Variants in NT5C1B observed in about 807,000 individuals in gnomAD.
The protein encoded by NT5C1B is cytosolic 5'-nucleotidase 1B.
In NT5C1B, 44 loss-of-function variants were observed where a neutral mutation model predicts 57.8. The ratio of observed to expected loss-of-function variants is 0.76; its 90% CI spans 0.60 to 0.98. NT5C1B has a LOEUF of 0.98. Among genes scored for constraint, NT5C1B ranks in the 50% least tolerant of loss-of-function variants. The pLI is 0.00. For missense variants in NT5C1B, 742 were observed against 719.5 expected, an observed-to-expected ratio of 1.03 and a Z score of -0.36; for synonymous variants, 284 against 282.6, an observed-to-expected ratio of 1.00 and a Z score of -0.05.
chr2:18,576,078 C>G, intron 8 of NT5C1B, 106 bp downstream of exon 8: 1 of 1,225,696 alleles, frequency 8.2e-7, no homozygotes, highest in South Asian at 2.1e-5. Flanking sequence ...GAAGGAGTGC[C>G]CTGCCTAGAA....
intron 8 of NT5C1B, among the ~76,000 whole-genome samples, chr2:18,564,703 G>A (rs566189898): frequency 6.6e-6 from 1 of 152,202 alleles, no homozygotes; most frequent in Non-Finnish European, 1.5e-5. Flanking sequence ...CAATAGTTAA[G>A]TTTTTGTTCA....
In NT5C1B at chr2:18,575,666, T is replaced by G. The variant is rs569766471; in HGVS notation, c.1329+518A>C. ...TCAACAGCACTAATCCAAAACAATC[T>G]AAATATTTAGTTTCAGTTTGATTAC... On this transcript the variant is annotated intron_variant, in intron 8 of 8. Coordinates refer to ENST00000304081, the Ensembl canonical transcript of NT5C1B. Among the ~76,000 whole-genome samples, 3 of 152,320 alleles carry G rather than the reference T, an allele frequency of 2.0e-5. 1 individual carries two copies. In the South Asian group the frequency reaches 6.2e-4, roughly 32 times the overall value.
At chr2:18,571,661 A>G (rs957074116) in intron 8 of NT5C1B, among the ~76,000 whole-genome samples, 9 of 144,594 alleles carry the variant, frequency 6.2e-5, no homozygotes, top group Non-Finnish European at 6.0e-5. Context: ...TCTTAAATCT[A>G]TATGAAAGTG....
At chr2:18,571,754 A>G (rs187053459) in intron 8 of NT5C1B, among the ~76,000 whole-genome samples, 20,119 of 103,296 alleles carry the variant, frequency 0.19, 2,230 homozygotes, top group Middle Eastern at 0.31. Flanking sequence ...ATATATATAT[A>G]TATATATATA....
intron 8 of NT5C1B, among the ~76,000 whole-genome samples, chr2:18,564,553 T>C (rs1278110122): frequency 6.6e-6 from 1 of 152,230 alleles, no homozygotes; most frequent in Non-Finnish European, 1.5e-5. Flanking sequence ...TGCTTTTGTC[T>C]AGTTTAATGC....
intron 8 of NT5C1B, among the ~76,000 whole-genome samples, chr2:18,564,871 G>T (rs1314145783): frequency 1.3e-5 from 2 of 152,090 alleles, no homozygotes; most frequent in African/African-American, 2.4e-5. Context: ...ATTTAAGAAG[G>T]TTTACATTAT....
intron 2 of NT5C1B, chr2:18,586,804 T>A (rs757648317): frequency 3.2e-5 from 32 of 1,001,632 alleles, no homozygotes; most frequent in Non-Finnish European, 4.4e-5. Context: ...GGTGCCCCAC[T>A]GAGGTTGCAG....
intron 8 of NT5C1B, among the ~76,000 whole-genome samples, chr2:18,573,445 T>TACAC (rs112972669): frequency 1.3e-5 from 2 of 150,316 alleles, no homozygotes; most frequent in South Asian, 4.2e-4. Context: ...AAAATTCTGA[T>TACAC]ACACACACAC....
chr2:18,578,991 C>T (rs1306925928), intron 6 of NT5C1B, among the ~76,000 whole-genome samples: 1 of 151,990 alleles, frequency 6.6e-6, no homozygotes, highest in Non-Finnish European at 1.5e-5. Flanking sequence ...TTCTATATAC[C>T]AACAATGTTC....
In NT5C1B at chr2:18,582,520, G is replaced by T. The variant is rs143050574; in HGVS notation, c.1021+348C>A. ...AACCTTTAACACAAATCTGTGGTGA[G>T]CAAGAAGTTTGATCACACAGTAAAA... On this transcript the variant is annotated intron_variant, in intron 6 of 8. Coordinates refer to ENST00000304081, the Ensembl canonical transcript of NT5C1B. Among the ~76,000 whole-genome samples the T allele has an allele frequency of 2.0e-5, 3 of 152,340 alleles. No homozygotes were observed. In the East Asian group the frequency reaches 5.8e-4, roughly 29 times the overall value.
At chr2:18,587,440 A>G in intron 2 of NT5C1B, 63 bp downstream of exon 2, 1 of 1,594,502 alleles carries the variant, frequency 6.3e-7, no homozygotes, top group Non-Finnish European at 8.5e-7. Flanking sequence ...CCTGCCCCCT[A>G]ACATTTTCCA....
intron 1 of NT5C1B, among the ~76,000 whole-genome samples, chr2:18,588,490 T>C (rs533740340): frequency 3.0e-4 from 46 of 152,352 alleles, no homozygotes; most frequent in African/African-American, 1.1e-3. Context: ...GAGAATGGCA[T>C]AGCTGTATGA....
rs752807785 is a variant in NT5C1B at position 18,563,983 on chromosome 2, A to G, written c.1466T>C (p.Leu489Pro). 4.3e-6 allele frequency: 7 copies of G among 1,614,206 alleles called. No individual in the cohort carries two copies. In the South Asian group the frequency reaches 7.7e-5, roughly 18 times the overall value. ...TAGACCCCAGCGTCGAAGGGTCTTC[A>G]GCACACGGGCGCCTGAACTGGCTGC... Residue 489 changes from leucine (L) to proline (P), a missense_variant, in exon 9 of 9, where the codon CTG becomes CCG. Coordinates refer to ENST00000304081, the Ensembl canonical transcript of NT5C1B.
chr2:18,577,721 A>G (rs1665830778), intron 6 of NT5C1B, among the ~76,000 whole-genome samples: 1 of 151,986 alleles, frequency 6.6e-6, no homozygotes, highest in African/African-American at 2.4e-5. Context: ...AAGAAAGAAA[A>G]AAACTAACCT....
intron 2 of NT5C1B, 82 bp downstream of exon 2, chr2:18,587,421 C>G: frequency 1.3e-6 from 2 of 1,575,634 alleles, no homozygotes; most frequent in South Asian, 1.2e-5. Flanking sequence ...GTCTTCTCTC[C>G]CAGAACTCCC....
intron 2 of NT5C1B, 86 bp downstream of exon 2, chr2:18,587,417 T>C: frequency 6.4e-7 from 1 of 1,569,404 alleles, no homozygotes; most frequent in Non-Finnish European, 8.6e-7. Flanking sequence ...CTTGGTCTTC[T>C]CTCCCAGAAC....
intron 2 of NT5C1B, chr2:18,587,057 T>G (rs1666778438): frequency 6.2e-7 from 1 of 1,614,158 alleles, no homozygotes; most frequent in Admixed American, 1.7e-5. Flanking sequence ...AAATACGTAT[T>G]GTGTGGCAGG....
intron 3 of NT5C1B, chr2:18,585,302 C>T: frequency 1.6e-6 from 1 of 608,008 alleles, no homozygotes; most frequent in Non-Finnish European, 3.1e-6. Flanking sequence ...AGTTCTGTCC[C>T]CTGCTTGGCA....
At chr2:18,573,188 A>G (rs889944544) in intron 8 of NT5C1B, among the ~76,000 whole-genome samples, 12 of 152,180 alleles carry the variant, frequency 7.9e-5, no homozygotes, top group African/African-American at 2.4e-4. Flanking sequence ...GTCAGATTGC[A>G]TCGTGTATGA....
Sources: gnomAD v4.1 joint callset for allele counts (sites outside exome capture counted in the v4.1 genomes callset) on GRCh38, gnomAD v4.1.1 for gene constraint, MANE v1.5 for transcripts, NCBI Gene and HGNC (gene_info 2026-07-23, HGNC 2026-07-21) for gene names.